The following PRH1 variants were observed in gnomAD, a reference collection of about 807,000 sequenced individuals.
PRH1 encodes proline rich protein HaeIII subfamily 1.
PRH1 carries 7 observed loss-of-function variants against 7.9 expected under a neutral mutation model. The observed-to-expected ratio is 0.89, with a 90% confidence interval of 0.50 to 1.67. The LOEUF (loss-of-function observed/expected upper bound fraction) is 1.67. Among genes scored for constraint, PRH1 ranks in the 40% most tolerant of loss-of-function variants. The pLI is 0.00. For synonymous variants in PRH1, 45 were observed against 80.8 expected, an observed-to-expected ratio of 0.56 and a Z score of 2.38; for missense variants, 109 against 223.6, an observed-to-expected ratio of 0.49 and a Z score of 3.27.
At chr12:10,966,550 C>G (rs1938508030) in intron 2 of PRH1, among the ~76,000 whole-genome samples, 1 of 152,176 alleles carries the variant, frequency 6.6e-6, no homozygotes, top group African/African-American at 2.4e-5. Flanking sequence ...TGTCCAAACT[C>G]TAACTAATTC....
Position 10,891,542 on chromosome 12 carries a change from C to A in PRH1, c.-58-7267G>T, listed in dbSNP as rs149925346. ...CAGTTCCCATGGACTTTCAGCAAATCCTATTAATCAGCTTGTAGGATCCTT... is the reference window on the plus strand; with the variant it reads ...CAGTTCCCATGGACTTTCAGCAAATACTATTAATCAGCTTGTAGGATCCTT... On this transcript the variant is annotated intron_variant, in intron 2 of 3. Coordinates refer to the PRH1 transcript ENST00000539853. 702 of 152,310 alleles carry A rather than the reference C, an allele frequency of 4.6e-3. 6 individuals carry two copies. Among genetic ancestry groups the A allele is most frequent in the African/African-American group, 0.016 (676 of 41,568 alleles). The allele number at this position is 152,310 out of a possible 1,614,324, so 9.4% of individuals were successfully genotyped here. A position where few individuals can be genotyped will look rare whatever the true frequency, so the allele number is the denominator to read the frequency against.
intron 2 of PRH1, 54 bp downstream of exon 2, chr12:10,883,007 A>G: frequency 6.3e-7 from 1 of 1,582,230 alleles, no homozygotes; most frequent in East Asian, 2.2e-5. Flanking sequence ...AGAACTCATC[A>G]ATTTTTCAGG....
chr12:11,059,404 T>C (rs950811301), intron 1 of PRH1, among the ~76,000 whole-genome samples: 1 of 152,222 alleles, frequency 6.6e-6, no homozygotes, highest in African/African-American at 2.4e-5. Context: ...TAAATAAATG[T>C]CATCACCTTA....
chr12:11,128,229 A>C (rs1946202689), intron 1 of PRH1, among the ~76,000 whole-genome samples: 1 of 152,094 alleles, frequency 6.6e-6, no homozygotes, highest in Non-Finnish European at 1.5e-5. Flanking sequence ...ATGAATATTC[A>C]CTTTTACTTT....
chr12:10,964,856 A>G, intron 2 of PRH1: 1 of 549,930 alleles, frequency 1.8e-6, no homozygotes, highest in Middle Eastern at 3.1e-4. Context: ...ACTCAATTTG[A>G]TCTCCCAACT....
At chr12:11,013,267 G>C (rs904318676) in intron 1 of PRH1, among the ~76,000 whole-genome samples, 1 of 152,068 alleles carries the variant, frequency 6.6e-6, no homozygotes, top group African/African-American at 2.4e-5. Flanking sequence ...AAAGAACAAT[G>C]AAACACAACT....
At chr12:11,123,117 T>G (rs775684143) in intron 1 of PRH1, among the ~76,000 whole-genome samples, 7 of 152,246 alleles carry the variant, frequency 4.6e-5, no homozygotes, top group Non-Finnish European at 7.3e-5. Context: ...CTTCCTGGAC[T>G]CAACATTATG....
chr12:11,163,393 T>C (rs1480838879), intron 1 of PRH1, among the ~76,000 whole-genome samples: 1 of 152,208 alleles, frequency 6.6e-6, no homozygotes, highest in South Asian at 2.1e-4. Flanking sequence ...ACCTGTCTGA[T>C]GGATGATTTA....
At chr12:11,168,497 G>C (rs1947708801) in intron 1 of PRH1, among the ~76,000 whole-genome samples, 1 of 151,954 alleles carries the variant, frequency 6.6e-6, no homozygotes, top group African/African-American at 2.4e-5. Context: ...GCTTCTACTT[G>C]ATTTTATTTT....
intron 1 of PRH1, among the ~76,000 whole-genome samples, chr12:11,070,437 C>CT (rs376139823): frequency 6.1e-4 from 88 of 143,830 alleles, no homozygotes; most frequent in Non-Finnish European, 6.5e-4. Context: ...ACACAAGACC[C>CT]CAGAAGTATA....
chr12:10,952,604 G>A (rs1937741183), intron 2 of PRH1, among the ~76,000 whole-genome samples: 1 of 152,064 alleles, frequency 6.6e-6, no homozygotes, highest in Non-Finnish European at 1.5e-5. Flanking sequence ...AAACACAATT[G>A]ACTGTCCAGA....
At chr12:11,084,061 T>A (rs1377363123) in intron 1 of PRH1, among the ~76,000 whole-genome samples, 1 of 129,366 alleles carries the variant, frequency 7.7e-6, no homozygotes, top group Non-Finnish European at 1.8e-5. Flanking sequence ...TTGGAAAAGT[T>A]TAAGTCTTAG....
intron 2 of PRH1, among the ~76,000 whole-genome samples, chr12:10,921,821 C>T (rs1950049161): frequency 6.6e-6 from 1 of 152,160 alleles, no homozygotes; most frequent in Non-Finnish European, 1.5e-5. Flanking sequence ...GGCTGGAGTG[C>T]AGTGGTGCGA....
intron 1 of PRH1, among the ~76,000 whole-genome samples, chr12:11,165,060 T>C (rs1177006774): frequency 6.6e-6 from 1 of 152,234 alleles, no homozygotes; most frequent in Non-Finnish European, 1.5e-5. Flanking sequence ...GAGTCATTTG[T>C]TGTTGCATGT....
At chr12:10,897,401 C>T (rs531170506) in intron 2 of PRH1, among the ~76,000 whole-genome samples, 2 of 151,590 alleles carry the variant, frequency 1.3e-5, no homozygotes, top group Non-Finnish European at 2.9e-5. Flanking sequence ...GAATTGCCCC[C>T]AGTTGTTCAT....
chr12:10,882,069 T>G, intron 3 of PRH1, 148 bp downstream of exon 3: 3 of 1,460,436 alleles, frequency 2.1e-6, no homozygotes, highest in Non-Finnish European at 2.7e-6. Context: ...GTCTTGATAC[T>G]CTATACAAGA....
chr12:11,142,756 C>T (rs571721221), intron 1 of PRH1, among the ~76,000 whole-genome samples: 1 of 152,214 alleles, frequency 6.6e-6, no homozygotes, highest in East Asian at 1.9e-4. Context: ...CATCTGGCAG[C>T]AGACTTCTCA....
upstream of PRH1, among the ~76,000 whole-genome samples, chr12:10,886,063 C>T (rs1246516358): frequency 2.0e-5 from 3 of 152,166 alleles, no homozygotes; most frequent in Non-Finnish European, 4.4e-5. Context: ...GGCAATTCTT[C>T]TCTGGCCCTG....
intron 1 of PRH1, among the ~76,000 whole-genome samples, chr12:10,976,233 C>T (rs1939091386): frequency 6.6e-6 from 1 of 152,122 alleles, no homozygotes; most frequent in Non-Finnish European, 1.5e-5. Flanking sequence ...TCTTGGACCA[C>T]AGCCCTATAA....
Sources: allele counts gnomAD v4.1 joint callset (sites outside exome capture counted in the v4.1 genomes callset), GRCh38; gene constraint gnomAD v4.1.1; transcripts MANE v1.5; gene names NCBI Gene and HGNC (gene_info 2026-07-23, HGNC 2026-07-21).